The following SNTB2 variants were observed in gnomAD, a reference collection of about 807,000 sequenced individuals.
SNTB2 encodes beta-2-syntrophin.
In SNTB2, 34 loss-of-function variants were observed where a neutral mutation model predicts 46.2. That is an observed-to-expected ratio of 0.74 (90% confidence interval 0.56 to 0.98). The LOEUF is 0.98. Among genes scored for constraint, SNTB2 ranks in the 50% least tolerant of loss-of-function variants. SNTB2 has a pLI of 0.00. For missense variants in SNTB2, 603 were observed against 731.4 expected, an observed-to-expected ratio of 0.82 and a Z score of 2.02; for synonymous variants, 290 against 312.6, an observed-to-expected ratio of 0.93 and a Z score of 0.76.
In SNTB2 at chr16:69,307,106, G is replaced by A. The variant is rs1432247026; in HGVS notation, c.*6182G>A. ...TCTAATAAACATTTATTAATGTATA[G>A]TTCTACACCAGGCATTCTGAAGGGT... On this transcript the variant is annotated 3_prime_UTR_variant, in exon 7 of 7. Coordinates refer to ENST00000336278, the MANE Select transcript of SNTB2 (RefSeq NM_006750.4). 1 of 152,152 alleles carries A rather than the reference G, an allele frequency of 6.6e-6. No homozygotes were observed. The highest frequency in any genetic ancestry group is 1.5e-5 in the Non-Finnish European group (1 of 68,036). 9.4% of individuals were successfully genotyped at this position (152,152 alleles called of 1,614,324 possible). A position where few individuals can be genotyped will look rare whatever the true frequency, so the allele number is the denominator to read the frequency against.
At chr16:69,297,002 CAA>C (rs747322291) in intron 5 of SNTB2, among the ~76,000 whole-genome samples, 6 of 129,502 alleles carry the variant, frequency 4.6e-5, no homozygotes, top group Admixed American at 8.0e-5. Flanking sequence ...ACTCTTATCT[CAA>C]AAAAAAAAAA....
intron 1 of SNTB2, among the ~76,000 whole-genome samples, chr16:69,220,866 A>G (rs1032277233): frequency 1.3e-5 from 2 of 152,148 alleles, no homozygotes; most frequent in African/African-American, 4.8e-5. Flanking sequence ...TATACGGTCT[A>G]TAACTGTCAC....
intron 4 of SNTB2, among the ~76,000 whole-genome samples, chr16:69,277,408 T>C (rs1328930296): frequency 6.6e-6 from 1 of 152,192 alleles, no homozygotes; most frequent in African/African-American, 2.4e-5. Flanking sequence ...CAAATATTTT[T>C]CCAAATGAAT....
chr16:69,212,788 C>G (rs952888243), intron 1 of SNTB2, among the ~76,000 whole-genome samples: 1 of 152,102 alleles, frequency 6.6e-6, no homozygotes, highest in Non-Finnish European at 1.5e-5. Flanking sequence ...GCATGCACTA[C>G]CACACCTGGC....
At chr16:69,298,512 CTTTTTTTTT>C (rs34908270) in intron 5 of SNTB2, among the ~76,000 whole-genome samples, 4 of 78,108 alleles carry the variant, frequency 5.1e-5, no homozygotes, top group African/African-American at 2.1e-4. Context: ...TTTACCAATT[CTTTTTTTTT>C]TTTTTTTTTT....
At chr16:69,294,370 A>C (rs1376700089) in intron 5 of SNTB2, among the ~76,000 whole-genome samples, 1 of 152,024 alleles carries the variant, frequency 6.6e-6, no homozygotes, top group Non-Finnish European at 1.5e-5. Flanking sequence ...GAAAAAAAAA[A>C]TTGTTTTTTG....
At chr16:69,187,958 A>C (rs1415444394) in intron 1 of SNTB2, among the ~76,000 whole-genome samples, 1 of 152,012 alleles carries the variant, frequency 6.6e-6, no homozygotes, top group East Asian at 1.9e-4. Flanking sequence ...CCTAGGGAAG[A>C]CTCGGCTGAG....
chr16:69,250,201 T>G (rs1297254987), intron 2 of SNTB2, among the ~76,000 whole-genome samples: 2 of 152,246 alleles, frequency 1.3e-5, no homozygotes, highest in Non-Finnish European at 2.9e-5. Context: ...CCATGCGTTT[T>G]TTAGACATAA....
intron 3 of SNTB2, among the ~76,000 whole-genome samples, chr16:69,262,878 G>T (rs950471134): frequency 6.6e-6 from 1 of 151,870 alleles, no homozygotes; most frequent in Non-Finnish European, 1.5e-5. Context: ...GCTTCACCAT[G>T]TTGGCCAGGC....
intron 1 of SNTB2, among the ~76,000 whole-genome samples, chr16:69,216,453 T>G (rs1964347918): frequency 6.6e-6 from 1 of 151,314 alleles, no homozygotes; most frequent in Non-Finnish European, 1.5e-5. Context: ...GAGGCCACGG[T>G]GGGAGGATTG....
rs1363254881 is a variant in SNTB2, at chr16:69,260,096, C to T, written c.841C>T (p.Arg281Cys). The change falls in exon 3 of 7, where the codon CGC becomes TGC. Residue 281 changes from arginine (R) to cysteine (C), a missense_variant. Arg to Cys is a radical substitution (Grantham distance 180, BLOSUM62 -3). Around this residue, in one of 2 missense-constraint regions of SNTB2, gnomAD observed 537 missense variants for 692.4 expected, o/e 0.78. Transcript: ENST00000336278. ...SPDSRNTLIL[R>C]CKDTATAHSW... ...TGATAGCAGGAACACGTTGATCCTA[C>T]GCTGCAAAGATACAGCCACAGCACA... 1.9e-6 allele frequency: 3 copies of T among 1,613,578 alleles called. No homozygotes were observed. Among genetic ancestry groups the T allele is most frequent in the Non-Finnish European group, 2.5e-6 (3 of 1,179,914 alleles).
intron 1 of SNTB2, among the ~76,000 whole-genome samples, chr16:69,219,828 G>A (rs2152293426): frequency 6.6e-6 from 1 of 152,130 alleles, no homozygotes; most frequent in African/African-American, 2.4e-5. Flanking sequence ...TTGGCTCACT[G>A]CAACCTCCGA....
intron 5 of SNTB2, among the ~76,000 whole-genome samples, chr16:69,291,446 T>A (rs1180397038): frequency 6.6e-6 from 1 of 152,218 alleles, no homozygotes; most frequent in Non-Finnish European, 1.5e-5. Context: ...GCGCTGTGGC[T>A]TATGCCTGTA....
intron 2 of SNTB2, among the ~76,000 whole-genome samples, chr16:69,251,570 G>A (rs543171644): frequency 6.6e-6 from 1 of 151,702 alleles, no homozygotes; most frequent in Non-Finnish European, 1.5e-5. Flanking sequence ...CCTGAGGTCA[G>A]GAGTTCAAGA....
At position 69,210,514 on chromosome 16, in the gene SNTB2, A is replaced by T. The variant is rs1597173536; in HGVS notation, c.580+22768A>T. ...CGGCCTCCCAGAGTGCTAGGATTAC[A>T]GGCATGAGCCACCGCGCCCGGCCAT... On this transcript the variant is annotated intron_variant, in intron 1 of 6. Transcript: ENST00000336278. Among the ~76,000 whole-genome samples the T allele has an allele frequency of 2.6e-5, 4 of 151,330 alleles. 1 individual carries two copies. The South Asian group carries it at 8.4e-4, about 32-fold the overall frequency.
At chr16:69,200,754 A>T (rs1002042539) in intron 1 of SNTB2, among the ~76,000 whole-genome samples, 1 of 152,192 alleles carries the variant, frequency 6.6e-6, no homozygotes, top group Non-Finnish European at 1.5e-5. Flanking sequence ...AGCTCAAGTC[A>T]TCCTCCAGCC....
chr16:69,212,585 C>A (rs377046071), intron 1 of SNTB2, among the ~76,000 whole-genome samples: 8 of 152,196 alleles, frequency 5.3e-5, no homozygotes, highest in African/African-American at 1.9e-4. Context: ...GATCCACCCA[C>A]CTCGGCCTCC....
chr16:69,291,552 A>T (rs557603782), intron 5 of SNTB2, among the ~76,000 whole-genome samples: 16 of 151,866 alleles, frequency 1.1e-4, no homozygotes, highest in African/African-American at 2.2e-4. Context: ...ATCTCTATTT[A>T]AAAAAAATGA....
rs565923199 is a variant in SNTB2, at chr16:69,289,101, C to G, written c.1345+4857C>G. Among the ~76,000 whole-genome samples the G allele has an allele frequency of 2.0e-5, 3 of 152,058 alleles. No individual in the cohort carries two copies. In the East Asian group the frequency reaches 5.8e-4, roughly 29 times the overall value. ...CCTGACCAACATGGAGAAACCCCAT[C>G]TCTACTAAAAATACAAAATTAGCCA... On this transcript the variant is annotated intron_variant, in intron 5 of 6. Coordinates refer to ENST00000336278, the MANE Select transcript of SNTB2 (RefSeq NM_006750.4).
Sources: allele counts gnomAD v4.1 joint callset (sites outside exome capture counted in the v4.1 genomes callset), GRCh38; gene constraint gnomAD v4.1.1; regional missense constraint gnomAD v4.1.1; transcripts MANE v1.5; gene names NCBI Gene and HGNC (gene_info 2026-07-23, HGNC 2026-07-21).